NTNG2: variants seen among roughly 807,000 people sequenced by gnomAD.
The protein encoded by NTNG2 is netrin G2, also known as netrin-G2.
In NTNG2, 15 loss-of-function variants were observed where a neutral mutation model predicts 47.6. The ratio of observed to expected loss-of-function variants is 0.32; its 90% CI spans 0.21 to 0.49. The LOEUF is 0.49. NTNG2 is among the 20% of genes least tolerant of loss of function. The pLI is 0.99. For synonymous variants in NTNG2, 307 were observed against 324.6 expected (o/e 0.95, Z 0.58); for missense variants, 578 against 764.6 (o/e 0.76, Z 2.88).
rs141003041 is a variant in NTNG2 at position 132,204,907 on chromosome 9, T to A, written c.857+6298T>A. 2.3e-3 allele frequency among the ~76,000 whole-genome samples: 352 copies of A among 152,124 alleles called. 4 individuals carry two copies. The highest frequency in any genetic ancestry group is 8.2e-3 in the African/African-American group (339 of 41,476). On this transcript the variant is annotated intron_variant, in intron 3 of 7. Coordinates refer to ENST00000393229, the MANE Select transcript of NTNG2 (RefSeq NM_032536.4). ...CCTGGGCAATATAGTGAGACCCCCA[T>A]CTCAATGAAAACAAAATAGATGGAG...
chr9:132,201,645 C>G (rs1299828619), intron 3 of NTNG2, among the ~76,000 whole-genome samples: 3 of 152,244 alleles, frequency 2.0e-5, no homozygotes, highest in South Asian at 2.1e-4. Flanking sequence ...AATTTCGTGA[C>G]TGCCATGTTG....
At chr9:132,210,786 C>T (rs553399051) in intron 3 of NTNG2, among the ~76,000 whole-genome samples, 59 of 152,262 alleles carry the variant, frequency 3.9e-4, no homozygotes, top group Admixed American at 1.9e-3. Flanking sequence ...CTGCCTCCCT[C>T]CACATCTCAG....
chr9:132,202,583 T>C (rs1395035802), intron 3 of NTNG2, among the ~76,000 whole-genome samples: 1 of 151,760 alleles, frequency 6.6e-6, no homozygotes, highest in Non-Finnish European at 1.5e-5. Context: ...GCCTGGAGAG[T>C]GGCTGGCTTC....
At chr9:132,241,747 G>C in intron 7 of NTNG2, 129 bp from the exon 8 acceptor site, 1 of 630,390 alleles carries the variant, frequency 1.6e-6, no homozygotes, top group Non-Finnish European at 2.6e-6. Flanking sequence ...CACCCAGCGC[G>C]CCTGGAGCCT....
chr9:132,231,208 C>T lies in NTNG2; in HGVS notation c.1054+613C>T, dbSNP rs780256272. 2.8e-5 allele frequency: 12 copies of T among 421,130 alleles called. No individual in the cohort carries two copies. The highest frequency in any genetic ancestry group is 2.2e-4 in the East Asian group (3 of 13,576). 26.1% of individuals were successfully genotyped at this position (421,130 alleles called of 1,614,324 possible). ...TGAGAGTTCCCCAGGAGGGCGAGGG[C>T]GACATGGCGCCCACAGGTTATCAGT... is the stretch of plus-strand genomic sequence containing the variant. On this transcript the variant is annotated intron_variant, in intron 5 of 7. Coordinates refer to ENST00000393229, the MANE Select transcript of NTNG2 (RefSeq NM_032536.4). The surrounding 1 kb of genome is among the most constrained non-coding windows in gnomAD (Gnocchi z 4.1).
At chr9:132,207,262 C>A (rs1217531027) in intron 3 of NTNG2, among the ~76,000 whole-genome samples, 3 of 152,234 alleles carry the variant, frequency 2.0e-5, no homozygotes, top group Non-Finnish European at 4.4e-5. Flanking sequence ...GCCTCCATAA[C>A]TAAGTACCAC....
In NTNG2 at chr9:132,208,609, G is replaced by A. The variant is rs1179721763; in HGVS notation, c.857+10000G>A. 2.0e-5 allele frequency among the ~76,000 whole-genome samples: 3 copies of A among 152,186 alleles called. No individual in the cohort carries two copies. Among genetic ancestry groups the A allele is most frequent in the Non-Finnish European group, 4.4e-5 (3 of 68,032 alleles). On this transcript the variant is annotated intron_variant, in intron 3 of 7. Transcript: ENST00000393229. This position sits in a 1 kb window ranked among gnomAD's most constrained non-coding sequence, Gnocchi z 4.0. ...GCTGAGTAGCTGATGGGAGCAGGCG[G>A]TGGGAGGCATCATGGAGGACTCCCA...
intron 2 of NTNG2, among the ~76,000 whole-genome samples, chr9:132,183,619 C>G (rs1321546165): frequency 2.0e-5 from 3 of 152,340 alleles, no homozygotes; most frequent in Admixed American, 6.5e-5. Context: ...CTGGTGGACA[C>G]AGCAGAACGG....
In NTNG2 at chr9:132,197,759, TC is replaced by T. The variant is rs1323514805; in HGVS notation, c.214-206del. Among the ~76,000 whole-genome samples the T allele has an allele frequency of 6.6e-6, 1 of 152,164 alleles. No individual in the cohort carries two copies. Among genetic ancestry groups the T allele is most frequent in the Non-Finnish European group, 1.5e-5 (1 of 68,028 alleles). On this transcript the variant is annotated intron_variant, in intron 2 of 7. Transcript: ENST00000393229. This position sits in a 1 kb window ranked among gnomAD's most constrained non-coding sequence, Gnocchi z 4.3. ...AGAGCAAGGACAAGTATGCATTTTTTCTTTGGAAGCCATGGGATTGCACACC... is the reference window on the plus strand; with the variant it reads ...AGAGCAAGGACAAGTATGCATTTTTTTTTGGAAGCCATGGGATTGCACACC...
intron 2 of NTNG2, among the ~76,000 whole-genome samples, chr9:132,189,064 C>CTTTTTTTTT (rs1179386814): frequency 3.2e-5 from 2 of 61,756 alleles, no homozygotes; most frequent in Non-Finnish European, 6.3e-5. Context: ...GGCTTTAAGC[C>CTTTTTTTTT]TTTCTTTTTT....
intron 2 of NTNG2, among the ~76,000 whole-genome samples, chr9:132,190,097 G>A (rs912174006): frequency 1.3e-4 from 19 of 150,396 alleles, no homozygotes; most frequent in African/African-American, 4.4e-4. Flanking sequence ...GCTGGGCGTG[G>A]TGGCGGGCAC....
At chr9:132,240,618 T>A in intron 6 of NTNG2, 2 of 525,710 alleles carry the variant, frequency 3.8e-6, no homozygotes, top group Non-Finnish European at 6.9e-6. Context: ...GCGACCCCTC[T>A]AGTTGCCCAG....
chr9:132,187,082 C>T (rs1837447352), intron 2 of NTNG2, among the ~76,000 whole-genome samples: 3 of 152,212 alleles, frequency 2.0e-5, no homozygotes, highest in South Asian at 4.1e-4. Context: ...CCTTTTGAGC[C>T]GAGGCAGGTT....
chr9:132,205,431 G>C (rs966734847), intron 3 of NTNG2, among the ~76,000 whole-genome samples: 2 of 152,182 alleles, frequency 1.3e-5, no homozygotes, highest in South Asian at 2.1e-4. Flanking sequence ...ACAGAAAGTA[G>C]AATGGTGGCT....
intron 3 of NTNG2, among the ~76,000 whole-genome samples, chr9:132,202,768 C>G (rs1838872932): frequency 6.6e-6 from 1 of 152,174 alleles, no homozygotes; most frequent in South Asian, 2.1e-4. Flanking sequence ...ACAGGGTTCC[C>G]CAGCCCCACC....
intron 3 of NTNG2, among the ~76,000 whole-genome samples, chr9:132,225,257 TG>T (rs1840667860): frequency 5.3e-5 from 8 of 151,358 alleles, no homozygotes; most frequent in African/African-American, 1.9e-4. Context: ...TTGTTTTGTT[TG>T]TTTTTGTTTT....
In NTNG2 at chr9:132,215,448, C is replaced by T. The variant is rs1173143851; in HGVS notation, c.858-11401C>T. The stretch of plus-strand genomic sequence containing the variant: ...TACTAAAATTAGCCGGGTGTGGTGG[C>T]GGGCGCCTGTAATCCCAGCTACTCG... On this transcript the variant is annotated intron_variant, in intron 3 of 7. Transcript: ENST00000393229. This position sits in a 1 kb window ranked among gnomAD's most constrained non-coding sequence, Gnocchi z 4.2. Among the ~76,000 whole-genome samples the T allele has an allele frequency of 3.3e-5, 5 of 150,658 alleles. No individual in the cohort carries two copies. The highest frequency in any genetic ancestry group is 2.1e-4 in the South Asian group (1 of 4,744).
chr9:132,207,937 C>T (rs112706120), intron 3 of NTNG2, among the ~76,000 whole-genome samples: 94 of 152,190 alleles, frequency 6.2e-4, no homozygotes, highest in African/African-American at 1.9e-3. Flanking sequence ...AACCCCATCA[C>T]GACAAAAAAT....
chr9:132,205,782 G>A (rs775150248), intron 3 of NTNG2, among the ~76,000 whole-genome samples: 15 of 152,144 alleles, frequency 9.9e-5, no homozygotes, highest in East Asian at 5.8e-4. Context: ...TTGGGAAGCC[G>A]AGACAGGAGA....
Sources: gnomAD v4.1 joint callset for allele counts (sites outside exome capture counted in the v4.1 genomes callset) on GRCh38, gnomAD v4.1.1 for gene constraint, Gnocchi (gnomAD v3.1) non-coding constraint, MANE v1.5 for transcripts, NCBI Gene and HGNC (gene_info 2026-07-23, HGNC 2026-07-21) for gene names.